Variants in TFEC observed in about 807,000 individuals in gnomAD.
The protein encoded by TFEC is transcription factor EC, also known as class E basic helix-loop-helix protein 34.
A neutral mutation model predicts 41.6 loss-of-function variants in TFEC; 31 were observed. That is an observed-to-expected ratio of 0.74 (90% CI 0.56 to 1.01). The LOEUF (loss-of-function observed/expected upper bound fraction) is 1.01. Among genes scored for constraint, TFEC ranks in the 50% least tolerant of loss-of-function variants. The pLI, the probability that TFEC is intolerant of heterozygous loss-of-function variation, is 0.00. For missense variants in TFEC, 402 were observed against 404.1 expected (o/e 0.99, Z 0.04); for synonymous variants, 143 against 140.6 (o/e 1.02, Z -0.12).
chr7:116,149,924 G>C (rs1489356095), intron 1 of TFEC, among the ~76,000 whole-genome samples: 2 of 151,988 alleles, frequency 1.3e-5, no homozygotes, highest in Non-Finnish European at 2.9e-5. Flanking sequence ...AGTTTGTCTT[G>C]ACTCTAGGCA....
intron 3 of TFEC, among the ~76,000 whole-genome samples, chr7:116,090,805 A>G (rs543407624): frequency 7.9e-5 from 12 of 152,288 alleles, no homozygotes; most frequent in Non-Finnish European, 1.5e-4. Flanking sequence ...AAATGAGTTC[A>G]TGTCCTTTGC....
intron 3 of TFEC, among the ~76,000 whole-genome samples, chr7:116,076,028 C>T (rs193118821): frequency 9.2e-5 from 14 of 152,318 alleles, no homozygotes; most frequent in Admixed American, 7.2e-4. Flanking sequence ...ACTTCACTCC[C>T]TTGCTACCTC....
intron 3 of TFEC, among the ~76,000 whole-genome samples, chr7:116,076,169 CA>C (rs546967155): frequency 2.0e-5 from 3 of 152,146 alleles, no homozygotes; most frequent in Non-Finnish European, 4.4e-5. Flanking sequence ...CCCATAAAAG[CA>C]AAAACAATCA....
intron 3 of TFEC, among the ~76,000 whole-genome samples, chr7:116,067,548 C>T (rs1796723582): frequency 1.3e-5 from 2 of 151,944 alleles, no homozygotes; most frequent in South Asian, 4.1e-4. Flanking sequence ...TTGCATAGGG[C>T]AATTTCTTCT....
At chr7:116,133,854 G>A (rs1398514930) in intron 1 of TFEC, among the ~76,000 whole-genome samples, 1 of 152,134 alleles carries the variant, frequency 6.6e-6, no homozygotes, top group African/African-American at 2.4e-5. Flanking sequence ...CGATGTTTAT[G>A]AAGTAGAATA....
At chr7:116,017,470 C>T (rs1307394165) in intron 1 of TFEC, among the ~76,000 whole-genome samples, 1 of 152,118 alleles carries the variant, frequency 6.6e-6, no homozygotes, top group Non-Finnish European at 1.5e-5. Context: ...ATCTGTCCAT[C>T]TTGGCCTCCC....
At chr7:116,085,942 T>C (rs1797194152) in intron 3 of TFEC, among the ~76,000 whole-genome samples, 1 of 151,864 alleles carries the variant, frequency 6.6e-6, no homozygotes, top group African/African-American at 2.4e-5. Flanking sequence ...AACATTAACA[T>C]TAGGGTGGCA....
chr7:116,013,835 T>C (rs1232780394), intron 1 of TFEC, among the ~76,000 whole-genome samples: 3 of 152,266 alleles, frequency 2.0e-5, no homozygotes, highest in Non-Finnish European at 2.9e-5. Flanking sequence ...TAGGTGGAAC[T>C]TGACATAGTC....
chr7:115,999,342 A>C (rs1269805145), intron 1 of TFEC, among the ~76,000 whole-genome samples: 1 of 152,056 alleles, frequency 6.6e-6, no homozygotes, highest in African/African-American at 2.4e-5. Flanking sequence ...CAGTAAAAGC[A>C]GTACTAAGAG....
Position 116,146,523 on chromosome 7 carries a change from A to G in TFEC, c.-69+13267T>C, listed in dbSNP as rs139198949. On this transcript the variant is annotated intron_variant, in intron 1 of 8. Coordinates refer to the TFEC transcript ENST00000484212. The stretch of plus-strand genomic sequence containing the variant: ...TCTCAGGTGTCTAAGGCAAGAATTC[A>G]CATCACCTATATGGTTCAAAATAAC... Among the ~76,000 whole-genome samples, 233 of 152,334 alleles carry G rather than the reference A, an allele frequency of 1.5e-3. 1 individual carries two copies. The highest frequency in any genetic ancestry group is 5.1e-3 in the African/African-American group (213 of 41,582).
chr7:116,103,484 C>T (rs1443576257), intron 3 of TFEC, among the ~76,000 whole-genome samples: 2 of 151,988 alleles, frequency 1.3e-5, no homozygotes, highest in African/African-American at 4.8e-5. Context: ...ATCTAGTGAG[C>T]AAAAATAATA....
rs1366319951 is a variant in TFEC, at chr7:116,096,779, C to T, written c.198+13929G>A. Among the ~76,000 whole-genome samples, 5 of 151,996 alleles carry T rather than the reference C, an allele frequency of 3.3e-5. No individual in the cohort carries two copies. The South Asian group carries it at 1.0e-3, about 32-fold the overall frequency. ...TGTGTGCTCAAAGTATTTAGACAAA[C>T]TAATATTATAAATAGAAAGTGGGCA... is the stretch of plus-strand genomic sequence containing the variant. On this transcript the variant is annotated intron_variant, in intron 3 of 8. Coordinates refer to the TFEC transcript ENST00000484212.
chr7:116,115,923 T>A (rs1208092689), intron 1 of TFEC, among the ~76,000 whole-genome samples: 5 of 152,054 alleles, frequency 3.3e-5, no homozygotes, highest in African/African-American at 1.2e-4. Flanking sequence ...GGCATAATTA[T>A]AATTCCCCAT....
chr7:115,946,626 C>T (rs111853176), intron 6 of TFEC, among the ~76,000 whole-genome samples: 21 of 46,182 alleles, frequency 4.5e-4, no homozygotes, highest in South Asian at 1.5e-3. Context: ...CTTTCTTTCT[C>T]TCTCTCTCTC....
rs1304266188 is a variant in TFEC, at chr7:115,940,478, G to A, written c.*73C>T. On this transcript the variant is annotated 3_prime_UTR_variant, in exon 8 of 8. Coordinates refer to ENST00000265440, the MANE Select transcript of TFEC (RefSeq NM_012252.4). ...AAAAAAATAAGCCAAAGCAACATAT[G>A]AAACACAGAGCATAATTGCATAGCA... is the stretch of plus-strand genomic sequence containing the variant. 3.4e-6 allele frequency: 5 copies of A among 1,465,768 alleles called. No individual in the cohort carries two copies. The highest frequency in any genetic ancestry group is 4.6e-6 in the Non-Finnish European group (5 of 1,097,914). 90.8% of individuals were successfully genotyped at this position (1,465,768 alleles called of 1,614,324 possible).
intron 1 of TFEC, among the ~76,000 whole-genome samples, chr7:115,986,335 T>C (rs986844805): frequency 2.0e-5 from 3 of 152,146 alleles, no homozygotes; most frequent in East Asian, 3.9e-4. Context: ...TATTGCACTA[T>C]ATAGATGAAG....
In TFEC at chr7:115,940,812, A is replaced by G. The variant is rs777771064; in HGVS notation, c.783T>C (p.Tyr261=). The G allele has an allele frequency of 1.5e-5, 24 of 1,613,460 alleles. No individual in the cohort carries two copies. In the South Asian group the frequency reaches 2.6e-4, roughly 18 times the overall value. Residue 261 remains tyrosine (Y), a synonymous_variant, in exon 8 of 8, where the codon TAT becomes TAC. Transcript: ENST00000265440. ...CCTGAGACACAGTCAGTTGTTGGCA[A>G]TAGTCTACTGAATTCTGCTCAGGAT... ...QSHPEQNSVD[Y]CQQLTVSQGP... is the part of the protein sequence containing the mutation.
At chr7:116,076,203 C>T (rs1315732116) in intron 3 of TFEC, among the ~76,000 whole-genome samples, 2 of 152,162 alleles carry the variant, frequency 1.3e-5, no homozygotes, top group Non-Finnish European at 2.9e-5. Context: ...TTTCAAGAAG[C>T]CCCATTCCTA....
Position 115,940,696 on chromosome 7 carries a change from T to C in TFEC, c.899A>G (p.Glu300Gly), listed in dbSNP as rs200408858. ...TDLSFSAALK[E>G]EQRLDGMLLD... ...TAGCATGCCATCCAATCTTTGTTCCTCTTTCAATGCAGCACTAAATGATAA... is the reference window on the plus strand; with the variant it reads ...TAGCATGCCATCCAATCTTTGTTCCCCTTTCAATGCAGCACTAAATGATAA... The change falls in exon 8 of 8, where the codon GAG (glutamate) becomes GGG (glycine). Residue 300 changes from glutamate (E) to glycine (G), a missense_variant. Transcript: ENST00000265440. The C allele has an allele frequency of 1.9e-6, 3 of 1,613,594 alleles. No individual in the cohort carries two copies. In the African/African-American group the frequency reaches 4.0e-5, roughly 22 times the overall value.
Sources: allele counts gnomAD v4.1 joint callset (sites outside exome capture counted in the v4.1 genomes callset), GRCh38; gene constraint gnomAD v4.1.1; transcripts MANE v1.5; gene names NCBI Gene and HGNC (gene_info 2026-07-23, HGNC 2026-07-21).